The following ADCY5 variants were observed in gnomAD, a reference collection of about 807,000 sequenced individuals.
ADCY5 encodes adenylate cyclase 5.
In ADCY5, 30 loss-of-function variants were observed where a neutral mutation model predicts 119.7. The ratio of observed to expected loss-of-function variants is 0.25; its 90% CI spans 0.19 to 0.34. ADCY5 has a LOEUF of 0.34. Ranked by LOEUF, ADCY5 falls within the 10% of genes least tolerant of loss-of-function variation. ADCY5 has a pLI of 1.00. For synonymous variants in ADCY5, 753 were observed against 762.2 expected (o/e 0.99, Z 0.20); for missense variants, 1,324 against 1,775.2 (o/e 0.75, Z 4.57).
At chr3:123,440,762 C>A (rs1472957359) in intron 1 of ADCY5, among the ~76,000 whole-genome samples, 1 of 152,170 alleles carries the variant, frequency 6.6e-6, no homozygotes, top group African/African-American at 2.4e-5. Context: ...CTAGGCCCAT[C>A]TTTCTACTAA....
At chr3:123,328,869 C>A (rs1304061363) in intron 5 of ADCY5, 67 bp from the exon 6 acceptor site, 11 of 1,518,208 alleles carry the variant, frequency 7.2e-6, no homozygotes, top group Non-Finnish European at 9.9e-6. Context: ...GGGGGTGAGG[C>A]TGCAGGTGCA....
At chr3:123,332,839 C>T (rs1327757787) in intron 3 of ADCY5, among the ~76,000 whole-genome samples, 164 bp from the exon 4 acceptor site, 1 of 151,858 alleles carries the variant, frequency 6.6e-6, no homozygotes, top group South Asian at 2.1e-4. Context: ...ACTGCAGCCT[C>T]GACTTCTTGG....
chr3:123,292,351 G>A (rs929096105), intron 17 of ADCY5, among the ~76,000 whole-genome samples: 9 of 152,156 alleles, frequency 5.9e-5, no homozygotes, highest in Non-Finnish European at 1.3e-4. Context: ...CCTGGGTCCA[G>A]CACGGAGGAA....
intron 1 of ADCY5, among the ~76,000 whole-genome samples, chr3:123,415,338 A>G (rs1370704673): frequency 2.6e-5 from 4 of 152,102 alleles, no homozygotes; most frequent in Admixed American, 6.5e-5. Context: ...TCCACGGTAC[A>G]CTAGTACCAC....
chr3:123,330,312 C>T (rs557977595), intron 5 of ADCY5, among the ~76,000 whole-genome samples: 82 of 152,352 alleles, frequency 5.4e-4, no homozygotes, highest in African/African-American at 1.9e-3. Context: ...CATAAGCTTG[C>T]ACCACCCATG....
chr3:123,323,004 G>C (rs1267836869), intron 8 of ADCY5, among the ~76,000 whole-genome samples: 2 of 152,178 alleles, frequency 1.3e-5, no homozygotes, highest in Non-Finnish European at 2.9e-5. Flanking sequence ...CAACATTCCA[G>C]GCACGTTAGC....
At chr3:123,442,496 G>A (rs9862767) in intron 1 of ADCY5, among the ~76,000 whole-genome samples, 71,134 of 152,226 alleles carry the variant, frequency 0.47, 18,117 homozygotes, top group Middle Eastern at 0.61. Flanking sequence ...TCCTGTCCAA[G>A]CATTATAAAC....
intron 1 of ADCY5, among the ~76,000 whole-genome samples, chr3:123,383,535 G>A (rs1474091923): frequency 6.6e-6 from 1 of 152,134 alleles, no homozygotes; most frequent in East Asian, 1.9e-4. Context: ...AGGTAGATAG[G>A]GGCTGCCCTG....
intron 12 of ADCY5, among the ~76,000 whole-genome samples, chr3:123,306,346 G>T (rs2108280212): frequency 6.6e-6 from 1 of 152,196 alleles, no homozygotes; most frequent in Middle Eastern, 3.4e-3. Context: ...AAATGAAGTT[G>T]GGTCCCTACT....
chr3:123,331,783 G>A (rs969047188), intron 4 of ADCY5, among the ~76,000 whole-genome samples: 1 of 152,208 alleles, frequency 6.6e-6, no homozygotes, highest in East Asian at 1.9e-4. Context: ...TGACAAGCAG[G>A]TGCTATTCAC....
intron 7 of ADCY5, among the ~76,000 whole-genome samples, chr3:123,326,624 C>T (rs576591426): frequency 2.6e-4 from 39 of 152,126 alleles, no homozygotes; most frequent in Non-Finnish European, 4.0e-4. Context: ...AGGAACTGGC[C>T]AACGCTTACA....
At chr3:123,396,433 AAG>A (rs1424606960) in intron 1 of ADCY5, among the ~76,000 whole-genome samples, 3 of 124,598 alleles carry the variant, frequency 2.4e-5, no homozygotes, top group African/African-American at 3.1e-5. Context: ...GAGGGAGGGA[AAG>A]AGAAAGGAAG....
At position 123,344,014 on chromosome 3, in the gene ADCY5, TC is replaced by T. The variant is rs147661944; in HGVS notation, c.1406+3767del. Among the ~76,000 whole-genome samples the T allele has an allele frequency of 3.1e-3, 471 of 152,306 alleles. 2 individuals are homozygous for T. Among genetic ancestry groups the T allele is most frequent in the African/African-American group, 0.011 (446 of 41,568 alleles). ...AACATCCTACAGGCTCCTTGGCCAG[TC>T]CCTGGCTGCGCCCCGGGGTGGTGTG... On this transcript the variant is annotated intron_variant, in intron 3 of 20. Transcript: ENST00000462833.
At chr3:123,411,109 T>C (rs1456232912) in intron 1 of ADCY5, among the ~76,000 whole-genome samples, 3 of 152,154 alleles carry the variant, frequency 2.0e-5, no homozygotes, top group Non-Finnish European at 4.4e-5. Flanking sequence ...GTTCCCTCCA[T>C]GAGCCTCCTG....
chr3:123,434,859 C>T (rs1415162193), intron 1 of ADCY5, among the ~76,000 whole-genome samples: 2 of 152,124 alleles, frequency 1.3e-5, no homozygotes, highest in African/African-American at 2.4e-5. Flanking sequence ...CCTAACAGAC[C>T]ATGCAGGATG....
Position 123,286,864 on chromosome 3 carries a change from C to T in ADCY5, c.3533-55G>A. The T allele has an allele frequency of 2.6e-6, 4 of 1,528,080 alleles. No homozygotes were observed. The highest frequency in any genetic ancestry group is 3.5e-6 in the Non-Finnish European group (4 of 1,140,710). The allele number at this position is 1,528,080 out of a possible 1,614,324, so 94.7% of individuals were successfully genotyped here. ...TCACATCTCTGGCTTGACCTTGCCA[C>T]CATCTGTCTCCCCACATGCTGCAGG... On this transcript the variant is annotated intron_variant, in intron 19 of 20. Coordinates refer to ENST00000462833, the MANE Select transcript of ADCY5 (RefSeq NM_183357.3). This position sits in a 1 kb window ranked among gnomAD's most constrained non-coding sequence, Gnocchi z 4.2.
chr3:123,400,631 C>T (rs535818260), intron 1 of ADCY5, among the ~76,000 whole-genome samples: 8 of 152,188 alleles, frequency 5.3e-5, no homozygotes, highest in South Asian at 2.1e-4. Flanking sequence ...CATTTGGCCA[C>T]GTGAAAGAGG....
rs150330730 is a variant in ADCY5, at chr3:123,364,984, A to C, written c.1135-12403T>G. Among the ~76,000 whole-genome samples, 29 of 148,640 alleles carry C rather than the reference A, an allele frequency of 2.0e-4. 1 individual carries two copies. The highest frequency in any genetic ancestry group is 6.5e-4 in the African/African-American group (26 of 40,094). ...AGTCTTGCTCTGTTGCCCAGGCTGG[A>C]ATGCAGTGGCGAGATCTCGGCTCAC... On this transcript the variant is annotated intron_variant, in intron 1 of 20. Coordinates refer to ENST00000462833, the MANE Select transcript of ADCY5 (RefSeq NM_183357.3).
chr3:123,385,671 T>G (rs1324750530), intron 1 of ADCY5, among the ~76,000 whole-genome samples: 1 of 152,192 alleles, frequency 6.6e-6, no homozygotes, highest in Non-Finnish European at 1.5e-5. Context: ...AATGCCACTA[T>G]AACACTTACT....
Sources: gnomAD v4.1 joint callset for allele counts (sites outside exome capture counted in the v4.1 genomes callset) on GRCh38, gnomAD v4.1.1 for gene constraint, Gnocchi (gnomAD v3.1) non-coding constraint, MANE v1.5 for transcripts, NCBI Gene and HGNC (gene_info 2026-07-23, HGNC 2026-07-21) for gene names.